RPE: variants seen among roughly 807,000 people sequenced by gnomAD.
RPE encodes ribulose-5-phosphate-3-epimerase, also known as ribulose-phosphate 3-epimerase.
A neutral mutation model predicts 24.6 loss-of-function variants in RPE; 16 were observed. That is an observed-to-expected ratio of 0.65 (90% CI 0.44 to 0.99). The LOEUF is 0.99. RPE is among the 50% of genes least tolerant of loss of function. The pLI is 0.00. For missense variants in RPE, 240 were observed against 294.5 expected, an observed-to-expected ratio of 0.81 and a Z score of 1.35; for synonymous variants, 93 against 98.4, an observed-to-expected ratio of 0.94 and a Z score of 0.33.
intron 5 of RPE, among the ~76,000 whole-genome samples, chr2:210,019,007 T>C (rs1055896592): frequency 6.6e-6 from 1 of 152,204 alleles, no homozygotes; most frequent in African/African-American, 2.4e-5. Context: ...ACAAAACAGA[T>C]TGGGTTTCCA....
At chr2:210,017,616 A>G in intron 5 of RPE, 57 bp downstream of exon 5, 1 of 1,510,776 alleles carries the variant, frequency 6.6e-7, no homozygotes, top group East Asian at 2.3e-5. Context: ...TGTCTCCAGG[A>G]CATTGTCTCA....
intron 2 of RPE, among the ~76,000 whole-genome samples, chr2:210,010,691 A>G (rs982878297): frequency 6.6e-6 from 1 of 152,190 alleles, no homozygotes; most frequent in African/African-American, 2.4e-5. Flanking sequence ...ACATGTAGCT[A>G]TTAAAATTAA....
At chr2:210,007,924 C>CA (rs1228399260) in intron 1 of RPE, among the ~76,000 whole-genome samples, 1 of 152,114 alleles carries the variant, frequency 6.6e-6, no homozygotes, top group East Asian at 1.9e-4. Flanking sequence ...GCTTTGTTGG[C>CA]AGAAGGGTAA....
rs767701215 is a variant in RPE at position 210,009,640 on chromosome 2, TTTTG to T, written c.123-11_123-8del. On this transcript the variant is annotated splice_polypyrimidine_tract_variant and intron_variant, in intron 1 of 5. Coordinates refer to ENST00000359429, the MANE Select transcript of RPE (RefSeq NM_199229.3). ...GAATTGAAAACATTTTCAGAGTAGA[TTTTG>T]TTTGTCTTGTAGGCATTTTGTTCCC... The T allele has an allele frequency of 1.2e-6, 2 of 1,613,796 alleles. No individual in the cohort carries two copies. The highest frequency in any genetic ancestry group is 2.2e-5 in the East Asian group (1 of 44,880).
chr2:210,019,502 A>C (rs575065281), intron 5 of RPE, among the ~76,000 whole-genome samples, 167 bp from the exon 6 acceptor site: 1 of 152,144 alleles, frequency 6.6e-6, no homozygotes, highest in Non-Finnish European at 1.5e-5. Context: ...GAACATTTTA[A>C]ATTTTTCTTA....
In RPE at chr2:210,016,542, G is replaced by C. The variant is rs375869678; in HGVS notation, c.378G>C (p.Glu126Asp). The change falls in exon 4 of 6, where the codon GAG becomes GAC. Residue 126 changes from glutamate (E) to aspartate (D), a missense_variant. Physicochemically the swap from Glu to Asp is conservative, Grantham distance 45 (BLOSUM62 2). Transcript: ENST00000359429. ...GLAIKPGTSV[E>D]YLAPWANQID... ...CCATCAAACCAGGAACCTCAGTTGA[G>C]TATTTGGCACCATGGGCTAATCAGA... 9.3e-6 allele frequency: 15 copies of C among 1,614,128 alleles called. 1 individual carries two copies. In the African/African-American group the frequency reaches 1.5e-4, roughly 16 times the overall value.
chr2:210,019,906 T>C lies in RPE; in HGVS notation c.*115T>C, dbSNP rs2093835906. 3.8e-6 allele frequency: 5 copies of C among 1,330,142 alleles called. No individual in the cohort carries two copies. The highest frequency in any genetic ancestry group is 3.2e-5 in the South Asian group (2 of 63,292). 82.4% of individuals were successfully genotyped at this position (1,330,142 alleles called of 1,614,324 possible). ...GCCGTACTGCTTTTTTGAGCAGTTATTCATTCCAGTGATTAAAACTGATTG... is the reference window on the plus strand; with the variant it reads ...GCCGTACTGCTTTTTTGAGCAGTTACTCATTCCAGTGATTAAAACTGATTG... On this transcript the variant is annotated 3_prime_UTR_variant, in exon 6 of 6. Coordinates refer to ENST00000359429, the MANE Select transcript of RPE (RefSeq NM_199229.3).
rs769582577 is a variant in RPE at position 210,016,132 on chromosome 2, G to T, written c.342+20G>T. The T allele has an allele frequency of 6.2e-7, 1 of 1,614,168 alleles. No individual in the cohort carries two copies. The highest frequency in any genetic ancestry group is 8.5e-7 in the Non-Finnish European group (1 of 1,180,028). On this transcript the variant is annotated intron_variant, in intron 3 of 5. Coordinates refer to ENST00000359429, the MANE Select transcript of RPE (RefSeq NM_199229.3). ...ATGAAGGTAAGAAATCGTGATGAGA[G>T]TGTTTTGTAACATTCACTCTCAGTT...
intron 2 of RPE, among the ~76,000 whole-genome samples, chr2:210,012,837 C>G (rs1273516716): frequency 6.6e-6 from 1 of 152,216 alleles, no homozygotes; most frequent in East Asian, 1.9e-4. Flanking sequence ...CTGATGAGAT[C>G]TGTAGTTATT....
intron 1 of RPE, among the ~76,000 whole-genome samples, chr2:210,009,422 C>T (rs2093672627): frequency 6.6e-6 from 1 of 152,120 alleles, no homozygotes; most frequent in Non-Finnish European, 1.5e-5. Context: ...TCGTGAATTA[C>T]GGAGTCAAAT....
Position 210,002,689 on chromosome 2 carries a change from T to C in RPE, c.28T>C (p.Ser10Pro). MASGCKIGP[S>P]ILNSDLANLG... is the part of the protein sequence containing the mutation. ...GGCGTCGGGCTGCAAGATTGGCCCG[T>C]CCATCCTCAACAGCGACCTGGCCAA... Residue 10 changes from serine to proline, a missense_variant, in exon 1 of 6, where the codon TCC becomes CCC. Physicochemically the swap from Ser to Pro is moderately conservative, Grantham distance 74. Transcript: ENST00000359429. The C allele has an allele frequency of 6.2e-7, 1 of 1,613,982 alleles. No homozygotes were observed. The highest frequency in any genetic ancestry group is 8.5e-7 in the Non-Finnish European group (1 of 1,179,908).
At chr2:210,002,839 C>T in intron 1 of RPE, 56 bp downstream of exon 1, 1 of 1,613,280 alleles carries the variant, frequency 6.2e-7, no homozygotes, top group South Asian at 1.1e-5. Context: ...ATCAGTGCAC[C>T]TTTATTGACT....
chr2:210,005,074 G>C (rs1472677335), intron 1 of RPE, among the ~76,000 whole-genome samples: 2 of 152,172 alleles, frequency 1.3e-5, no homozygotes, highest in Non-Finnish European at 2.9e-5. Flanking sequence ...GGGAGATTCA[G>C]CTTCTTCCCT....
chr2:210,017,613 A>G, intron 5 of RPE, 54 bp downstream of exon 5: 1 of 1,523,652 alleles, frequency 6.6e-7, no homozygotes, highest in Non-Finnish European at 9.1e-7. Flanking sequence ...ATATGTCTCC[A>G]GGACATTGTC....
chr2:210,016,374 A>C lies in RPE; in HGVS notation c.343-133A>C. On this transcript the variant is annotated intron_variant, in intron 3 of 5. Transcript: ENST00000359429. ...TTTTCTGAAAGCTACTGCTTGTTGA[A>C]AATACTTACATTTAATAGTCTTGTT... The C allele has an allele frequency of 3.2e-6, 5 of 1,561,876 alleles. No homozygotes were observed. The South Asian group carries it at 6.1e-5, about 19-fold the overall frequency.
At position 210,012,320 on chromosome 2, in the gene RPE, G is replaced by C. The variant is rs549917316; in HGVS notation, c.202+2584G>C. Among the ~76,000 whole-genome samples, 25 of 152,246 alleles carry C rather than the reference G, an allele frequency of 1.6e-4. No individual in the cohort carries two copies. The South Asian group carries it at 5.2e-3, about 32-fold the overall frequency. On this transcript the variant is annotated intron_variant, in intron 2 of 5. Coordinates refer to ENST00000359429, the MANE Select transcript of RPE (RefSeq NM_199229.3). The stretch of plus-strand genomic sequence containing the variant: ...ATTATTTGCCATTATTTCTACTGAT[G>C]GTACAAAAACATTGATGAGTTAGTT...
Position 210,002,654 on chromosome 2 carries a change from C to A in RPE, c.-8C>A. The A allele has an allele frequency of 6.2e-7, 1 of 1,611,430 alleles. No homozygotes were observed. The highest frequency in any genetic ancestry group is 1.1e-5 in the South Asian group (1 of 90,986). On this transcript the variant is annotated 5_prime_UTR_variant, in exon 1 of 6. Coordinates refer to ENST00000359429, the MANE Select transcript of RPE (RefSeq NM_199229.3). Reference sequence around the variant, plus strand: ...CTCGTGGGTAACTTGCTTTTGGGAGCCAGCGGTATGGCGTCGGGCTGCAAG... The same window carrying A: ...CTCGTGGGTAACTTGCTTTTGGGAGACAGCGGTATGGCGTCGGGCTGCAAG...
Position 210,019,905 on chromosome 2 carries a change from A to T in RPE, c.*114A>T. The T allele has an allele frequency of 7.4e-7, 1 of 1,344,798 alleles. No homozygotes were observed. 83.3% of individuals were successfully genotyped at this position (1,344,798 alleles called of 1,614,324 possible). ...AGCCGTACTGCTTTTTTGAGCAGTT[A>T]TTCATTCCAGTGATTAAAACTGATT... On this transcript the variant is annotated 3_prime_UTR_variant, in exon 6 of 6. Transcript: ENST00000359429.
chr2:210,016,884 C>T (rs1458830402), intron 4 of RPE, among the ~76,000 whole-genome samples: 1 of 152,142 alleles, frequency 6.6e-6, no homozygotes. Flanking sequence ...TGCTCTGTCA[C>T]CTGGGCTGGA....
Sources: gnomAD v4.1 joint callset for allele counts (sites outside exome capture counted in the v4.1 genomes callset) on GRCh38, gnomAD v4.1.1 for gene constraint, MANE v1.5 for transcripts, NCBI Gene and HGNC (gene_info 2026-07-23, HGNC 2026-07-21) for gene names.